The following SORCS2 variants were observed in gnomAD, a reference collection of about 807,000 sequenced individuals.
SORCS2 encodes sortilin related VPS10 domain containing receptor 2, also known as VPS10 domain-containing receptor SorCS2.
A neutral mutation model predicts 141.6 loss-of-function variants in SORCS2; 100 were observed. That is an observed-to-expected ratio of 0.71 (90% CI 0.60 to 0.83). The LOEUF is 0.83. Among genes scored for constraint, SORCS2 ranks in the 40% least tolerant of loss-of-function variants. The pLI is 0.00. For synonymous variants in SORCS2, 789 were observed against 676.9 expected (o/e 1.17, Z -2.57); for missense variants, 1,646 against 1,560.2 (o/e 1.05, Z -0.93).
intron 3 of SORCS2, among the ~76,000 whole-genome samples, chr4:7,624,302 G>A (rs75752877): frequency 0.015 from 2,349 of 152,214 alleles, 31 homozygotes; most frequent in Non-Finnish European, 0.022. Context: ...CTATGACCAC[G>A]GAATACAAAT....
chr4:7,389,726 G>C (rs962133543), intron 1 of SORCS2, among the ~76,000 whole-genome samples: 1 of 152,164 alleles, frequency 6.6e-6, no homozygotes, highest in African/African-American at 2.4e-5. Context: ...GGAGAAGTGA[G>C]AAAGGGGAGA....
intron 3 of SORCS2, among the ~76,000 whole-genome samples, chr4:7,574,481 C>T (rs555559258): frequency 6.6e-6 from 1 of 152,308 alleles, no homozygotes; most frequent in South Asian, 2.1e-4. Flanking sequence ...CCTGCCGTTT[C>T]AGCTACGTGT....
chr4:7,464,775 C>T (rs1026643125), intron 2 of SORCS2, among the ~76,000 whole-genome samples: 3 of 152,332 alleles, frequency 2.0e-5, no homozygotes, highest in Non-Finnish European at 1.5e-5. Flanking sequence ...TCTGAACTTC[C>T]GGCACTATGG....
chr4:7,385,822 G>A (rs1018131452), intron 1 of SORCS2, among the ~76,000 whole-genome samples: 5 of 152,202 alleles, frequency 3.3e-5, no homozygotes, highest in African/African-American at 9.7e-5. Context: ...CACCTGCCTC[G>A]ATTGGGACCA....
At chr4:7,626,627 G>T (rs1719530826) in intron 3 of SORCS2, among the ~76,000 whole-genome samples, 1 of 152,224 alleles carries the variant, frequency 6.6e-6, no homozygotes, top group African/African-American at 2.4e-5. Flanking sequence ...ATGTACGAAT[G>T]CATGTATATA....
intron 2 of SORCS2, among the ~76,000 whole-genome samples, chr4:7,504,897 G>A (rs1732184843): frequency 6.6e-6 from 1 of 152,194 alleles, no homozygotes; most frequent in African/African-American, 2.4e-5. Context: ...AAGCTCGGGA[G>A]CCGTCTGATG....
At chr4:7,285,055 G>A (rs1261236826) in intron 1 of SORCS2, among the ~76,000 whole-genome samples, 8 of 148,458 alleles carry the variant, frequency 5.4e-5, no homozygotes, top group African/African-American at 2.0e-4. Flanking sequence ...TTTTTGAGAT[G>A]GAGTTTCACT....
intron 3 of SORCS2, among the ~76,000 whole-genome samples, chr4:7,578,212 A>G (rs1309379184): frequency 1.3e-5 from 2 of 152,140 alleles, no homozygotes; most frequent in Non-Finnish European, 2.9e-5. Flanking sequence ...TTCTACTTCT[A>G]TTTCCACCAT....
chr4:7,596,664 T>A (rs1247622102), intron 3 of SORCS2, among the ~76,000 whole-genome samples: 1 of 152,170 alleles, frequency 6.6e-6, no homozygotes, highest in Non-Finnish European at 1.5e-5. Context: ...TGGAAATCGG[T>A]CAAGAGCCAG....
chr4:7,291,032 T>C (rs915966759), intron 1 of SORCS2, among the ~76,000 whole-genome samples: 1 of 152,100 alleles, frequency 6.6e-6, no homozygotes, highest in Admixed American at 6.5e-5. Flanking sequence ...AAGGTCTCTC[T>C]GAGGTGGGGA....
intron 1 of SORCS2, among the ~76,000 whole-genome samples, chr4:7,242,612 C>G (rs1192768434): frequency 1.3e-5 from 2 of 152,184 alleles, no homozygotes; most frequent in Non-Finnish European, 2.9e-5. Context: ...TTTGCTCTCT[C>G]TTTCTGGAGT....
At chr4:7,657,224 G>A (rs979648639) in intron 5 of SORCS2, among the ~76,000 whole-genome samples, 14 of 152,198 alleles carry the variant, frequency 9.2e-5, no homozygotes, top group African/African-American at 3.1e-4. Context: ...GAACAAACGT[G>A]GTAAATAAAT....
chr4:7,378,411 G>A lies in SORCS2; in HGVS notation c.481-17877G>A, dbSNP rs568563058. On this transcript the variant is annotated intron_variant, in intron 1 of 26. Transcript: ENST00000507866. ...GATACAGTTCCACATGGCTGGGGAG[G>A]CCTCAGGAAACTTATAATCATGGTG... Among the ~76,000 whole-genome samples, 3 of 152,280 alleles carry A rather than the reference G, an allele frequency of 2.0e-5. No homozygotes were observed. In the East Asian group the frequency reaches 5.8e-4, roughly 29 times the overall value.
intron 3 of SORCS2, among the ~76,000 whole-genome samples, chr4:7,634,321 C>T (rs567593969): frequency 2.0e-5 from 3 of 151,154 alleles, no homozygotes; most frequent in Non-Finnish European, 2.9e-5. Context: ...TGCGGTAAGA[C>T]GAGATCGTGC....
At chr4:7,234,046 C>T (rs536890365) in intron 1 of SORCS2, among the ~76,000 whole-genome samples, 2 of 152,310 alleles carry the variant, frequency 1.3e-5, no homozygotes, top group African/African-American at 4.8e-5. Flanking sequence ...CCACCCACTC[C>T]CACCGAGCCC....
chr4:7,621,847 CA>C, intron 3 of SORCS2, among the ~76,000 whole-genome samples: 1 of 152,220 alleles, frequency 6.6e-6, no homozygotes, highest in Non-Finnish European at 1.5e-5. Flanking sequence ...GGGCTGGCAG[CA>C]GCCTGGCCTC....
chr4:7,724,172 A>ATAG (rs1418362290), intron 19 of SORCS2, among the ~76,000 whole-genome samples: 3 of 129,002 alleles, frequency 2.3e-5, no homozygotes, highest in African/African-American at 9.0e-5. Flanking sequence ...GATGGTGGTG[A>ATAG]TGGTGATAGC....
In SORCS2 at chr4:7,193,171, C is replaced by T. The variant is rs1460300442; in HGVS notation, c.480+45C>T. 1.4e-6 allele frequency: 2 copies of T among 1,446,654 alleles called. No homozygotes were observed. Among genetic ancestry groups the T allele is most frequent in the Non-Finnish European group, 9.1e-7 (1 of 1,104,344 alleles). 89.6% of individuals were successfully genotyped at this position (1,446,654 alleles called of 1,614,324 possible). The stretch of plus-strand genomic sequence containing the variant: ...TCGCCGCGGCCCCTACCCGGGACAC[C>T]GCGGGACACCCGGGCGGGACCGCCA... On this transcript the variant is annotated intron_variant, in intron 1 of 26. Transcript: ENST00000507866. This position sits in a 1 kb window ranked among gnomAD's most constrained non-coding sequence, Gnocchi z 4.8.
At chr4:7,724,339 ATGATGGTAACAGTAGTGGTAGTAATGG>A (rs1726886762) in intron 19 of SORCS2, among the ~76,000 whole-genome samples, 1 of 122,938 alleles carries the variant, frequency 8.1e-6, no homozygotes, top group African/African-American at 3.5e-5. Flanking sequence ...GGTGATGGTG[ATGATGGTAACAGTAGTGGTAGTAATGG>A]TGATGATGGT....
Sources: gnomAD v4.1 joint callset for allele counts (sites outside exome capture counted in the v4.1 genomes callset) on GRCh38, gnomAD v4.1.1 for gene constraint, Gnocchi (gnomAD v3.1) non-coding constraint, MANE v1.5 for transcripts, NCBI Gene and HGNC (gene_info 2026-07-23, HGNC 2026-07-21) for gene names.